LCAT: variants seen among roughly 807,000 people sequenced by gnomAD.
LCAT encodes the protein lecithin-cholesterol acyltransferase, also known as phosphatidylcholine-sterol acyltransferase.
In LCAT, 15 loss-of-function variants were observed where a neutral mutation model predicts 41.0. That is an observed-to-expected ratio of 0.37 (90% CI 0.24 to 0.56). The LOEUF is 0.56. Among genes scored for constraint, LCAT ranks in the 20% least tolerant of loss-of-function variants. The pLI is 0.81. For synonymous variants in LCAT, 248 were observed against 245.4 expected, an observed-to-expected ratio of 1.01 and a Z score of -0.10; for missense variants, 449 against 595.1, an observed-to-expected ratio of 0.75 and a Z score of 2.55.
In LCAT at chr16:67,943,142, G is replaced by A. The variant is rs2058302198; in HGVS notation, c.225C>T (p.Tyr75=). 1.9e-6 allele frequency: 3 copies of A among 1,613,960 alleles called. No homozygotes were observed. Among genetic ancestry groups the A allele is most frequent in the Non-Finnish European group, 8.5e-7 (1 of 1,179,954 alleles). Reference sequence around the variant, plus strand: ...TGGTGAAGAAGTCCTCTGTCTTGCGGTAGCACATCCAGTTCACCACATCTG... The same window carrying A: ...TGGTGAAGAAGTCCTCTGTCTTGCGATAGCACATCCAGTTCACCACATCTG... ...DKPDVVNWMC[Y]RKTEDFFTIW... is the part of the protein sequence containing the mutation. The change falls in exon 2 of 6, where the codon TAC becomes TAT. Residue 75 remains tyrosine, a synonymous_variant. Coordinates refer to ENST00000264005, the MANE Select transcript of LCAT (RefSeq NM_000229.2). The surrounding 1 kb of genome is among the most constrained non-coding windows in gnomAD (Gnocchi z 4.6).
Position 67,942,194 on chromosome 16 carries a change from G to A in LCAT, c.748+169C>T. On this transcript the variant is annotated intron_variant, in intron 5 of 5. Coordinates refer to ENST00000264005, the MANE Select transcript of LCAT (RefSeq NM_000229.2). This position sits in a 1 kb window ranked among gnomAD's most constrained non-coding sequence, Gnocchi z 6.6. ...GACTCTGGAAGGAGCCACCCTAATTGCTCAGGCCAGGGTCACTGCTCTGGG... is the reference window on the plus strand; with the variant it reads ...GACTCTGGAAGGAGCCACCCTAATTACTCAGGCCAGGGTCACTGCTCTGGG... 8.5e-6 allele frequency: 11 copies of A among 1,299,034 alleles called. No homozygotes were observed. The highest frequency in any genetic ancestry group is 1.1e-5 in the Non-Finnish European group (10 of 936,822). 80.5% of individuals were successfully genotyped at this position (1,299,034 alleles called of 1,614,324 possible). A position where few individuals can be genotyped will look rare whatever the true frequency, so the allele number is the denominator to read the frequency against.
rs2058299808 is a variant in LCAT, at chr16:67,942,835, C to T, written c.427+26G>A. On this transcript the variant is annotated intron_variant, in intron 3 of 5. Transcript: ENST00000264005. The surrounding 1 kb of genome is among the most constrained non-coding windows in gnomAD (Gnocchi z 6.6). ...TGTGGGCCAGCACCCAGGCCTGGAG[C>T]CCCAGCCCTGCCCTCTGACACAAAC... 6.2e-7 allele frequency: 1 copy of T among 1,612,974 alleles called. No homozygotes were observed. Among genetic ancestry groups the T allele is most frequent in the Non-Finnish European group, 8.5e-7 (1 of 1,179,682 alleles).
chr16:67,942,704 G>A lies in LCAT; in HGVS notation c.490C>T (p.Arg164Cys), dbSNP rs1380009545. 16 of 1,612,750 alleles carry A rather than the reference G, an allele frequency of 9.9e-6. No homozygotes were observed. Among genetic ancestry groups the A allele is most frequent in the East Asian group, 2.2e-5 (1 of 44,898 alleles). The change falls in exon 4 of 6, where the codon CGC becomes TGC. Residue 164 changes from arginine (R) to cysteine (C), a missense_variant. Coordinates refer to ENST00000264005, the MANE Select transcript of LCAT (RefSeq NM_000229.2). The surrounding 1 kb of genome is among the most constrained non-coding windows in gnomAD (Gnocchi z 6.6). Reference sequence around the variant, plus strand: ...AGCCGCCAGTCATAGGGGGCGGCGCGCACAGTCTCGTCCCGCACGTAGCCA... The same window carrying A: ...AGCCGCCAGTCATAGGGGGCGGCGCACACAGTCTCGTCCCGCACGTAGCCA... ...NNGYVRDETV[R>C]AAPYDWRLEP...
intron 5 of LCAT, among the ~76,000 whole-genome samples, chr16:67,941,004 T>TA (rs1420295469): frequency 6.6e-6 from 1 of 150,948 alleles, no homozygotes; most frequent in East Asian, 2.0e-4. Flanking sequence ...GATTCCAGCT[T>TA]AAAAAATAAA....
rs1036297235 is a variant in LCAT at position 67,943,484 on chromosome 16, C to T, written c.155-272G>A. The T allele has an allele frequency of 2.0e-5, 11 of 538,928 alleles. No individual in the cohort carries two copies. The highest frequency in any genetic ancestry group is 1.0e-4 in the South Asian group (5 of 50,190). 33.4% of individuals were successfully genotyped at this position (538,928 alleles called of 1,614,324 possible). A position where few individuals can be genotyped will look rare whatever the true frequency, so the allele number is the denominator to read the frequency against. ...TCTGCAGAGCAAACACCCAGTCTGG[C>T]GCTCCTTTATTGCCAAAGTCCAAGG... On this transcript the variant is annotated intron_variant, in intron 1 of 5. Transcript: ENST00000264005. The surrounding 1 kb of genome is among the most constrained non-coding windows in gnomAD (Gnocchi z 4.6).
At position 67,939,960 on chromosome 16, in the gene LCAT, G is replaced by C; in HGVS notation, c.1267C>G (p.Arg423Gly). ...HINAILLGAY[R>G]QGPPASPTAS... ...GTCGGGGATGCAGGGGGACCCTGGCGGTAGGCACCCAGCAGGATGGCATTG... is the reference window on the plus strand; with the variant it reads ...GTCGGGGATGCAGGGGGACCCTGGCCGTAGGCACCCAGCAGGATGGCATTG... Residue 423 changes from arginine to glycine, a missense_variant, in exon 6 of 6, where the codon CGC becomes GGC. Coordinates refer to ENST00000264005, the MANE Select transcript of LCAT (RefSeq NM_000229.2). 6.2e-7 allele frequency: 1 copy of C among 1,613,602 alleles called. No individual in the cohort carries two copies. Among genetic ancestry groups the C allele is most frequent in the Non-Finnish European group, 8.5e-7 (1 of 1,179,996 alleles).
chr16:67,941,817 G>GT, intron 5 of LCAT: 1 of 1,037,872 alleles, frequency 9.6e-7, no homozygotes, highest in Non-Finnish European at 1.2e-6. Flanking sequence ...GATGGTGTCT[G>GT]TTTGATGTTT....
chr16:67,942,186 C>T lies in LCAT; in HGVS notation c.748+177G>A, dbSNP rs1263347529. On this transcript the variant is annotated intron_variant, in intron 5 of 5. Transcript: ENST00000264005. This position sits in a 1 kb window ranked among gnomAD's most constrained non-coding sequence, Gnocchi z 6.6. ...CTGACACAGACTCTGGAAGGAGCCA[C>T]CCTAATTGCTCAGGCCAGGGTCACT... is the stretch of plus-strand genomic sequence containing the variant. 5.3e-6 allele frequency: 7 copies of T among 1,322,974 alleles called. No individual in the cohort carries two copies. The highest frequency in any genetic ancestry group is 4.4e-5 in the African/African-American group (3 of 68,584). The allele number at this position is 1,322,974 out of a possible 1,614,324, so 82.0% of individuals were successfully genotyped here.
At chr16:67,941,976 C>CG (rs924102490) in intron 5 of LCAT, 3 of 1,194,236 alleles carry the variant, frequency 2.5e-6, no homozygotes, top group East Asian at 5.6e-5. Context: ...GGTGGGGCCT[C>CG]GGGGGGTCTG....
In LCAT at chr16:67,939,988, G is replaced by A. The variant is rs754003281; in HGVS notation, c.1239C>T (p.His413=). 6.2e-7 allele frequency: 1 copy of A among 1,613,602 alleles called. No homozygotes were observed. The highest frequency in any genetic ancestry group is 1.3e-5 in the African/African-American group (1 of 74,934). ...NMVFSNLTLE[H]INAILLGAYR... is the part of the protein sequence containing the mutation. ...AGGCACCCAGCAGGATGGCATTGAT[G>A]TGCTCCAGGGTCAGGTTGCTGAAGA... Residue 413 remains histidine (H), a synonymous_variant, in exon 6 of 6, where the codon CAC becomes CAT. Coordinates refer to ENST00000264005, the MANE Select transcript of LCAT (RefSeq NM_000229.2).
chr16:67,943,173 TC>T lies in LCAT; in HGVS notation c.193del (p.Asp65ThrfsTer6). The T allele has an allele frequency of 6.2e-7, 1 of 1,613,782 alleles. No individual in the cohort carries two copies. Among genetic ancestry groups the T allele is most frequent in the Non-Finnish European group, 8.5e-7 (1 of 1,179,956 alleles). On this transcript the variant is annotated frameshift_variant, in exon 2 of 6. Transcript: ENST00000264005. LOFTEE classifies it high-confidence loss of function. This position sits in a 1 kb window ranked among gnomAD's most constrained non-coding sequence, Gnocchi z 4.6. ...CLGNQLEAKL[D>X]KPDVVNWMCY... ...CATCCAGTTCACCACATCTGGTTTG[TC>T]CAGCTTGGCTTCTAGCTGATTCCCC...
rs1021230108 is a variant in LCAT at position 67,943,718 on chromosome 16, G to A, written c.154+230C>T. On this transcript the variant is annotated intron_variant, in intron 1 of 5. Coordinates refer to ENST00000264005, the MANE Select transcript of LCAT (RefSeq NM_000229.2). This position sits in a 1 kb window ranked among gnomAD's most constrained non-coding sequence, Gnocchi z 4.6. ...CCAGCCAAGACCTCAGGCACACCCC[G>A]TCCCCCACTCCGCCCCCCCTGGGTT... is the stretch of plus-strand genomic sequence containing the variant. 2.5e-5 allele frequency: 14 copies of A among 565,256 alleles called. No individual in the cohort carries two copies. The highest frequency in any genetic ancestry group is 7.2e-5 in the South Asian group (3 of 41,742). The allele number at this position is 565,256 out of a possible 1,614,324, so 35.0% of individuals were successfully genotyped here.
Position 67,944,010 on chromosome 16 carries a change from A to C in LCAT, c.92T>G (p.Leu31Arg), listed in dbSNP as rs1403044426. 3 of 1,547,978 alleles carry C rather than the reference A, an allele frequency of 1.9e-6. No homozygotes were observed. Among genetic ancestry groups the C allele is most frequent in the Non-Finnish European group, 2.6e-6 (3 of 1,145,714 alleles). ...CTTGGGCGTGGTGTGCGGGGGGAAG[A>C]GCACATTGAGGAGCCAGAAGGGGGC... Reference protein sequence around the residue: ...PAAPFWLLNVLFPPHTTPKAE... With the variant: ...PAAPFWLLNVRFPPHTTPKAE... The change falls in exon 1 of 6, where the codon CTC (leucine) becomes CGC (arginine). Residue 31 changes from leucine to arginine, a missense_variant. Leu to Arg is a moderately radical substitution (Grantham distance 102). Coordinates refer to ENST00000264005, the MANE Select transcript of LCAT (RefSeq NM_000229.2). This position sits in a 1 kb window ranked among gnomAD's most constrained non-coding sequence, Gnocchi z 6.6.
At position 67,943,356 on chromosome 16, in the gene LCAT, C is replaced by T; in HGVS notation, c.155-144G>A. On this transcript the variant is annotated intron_variant, in intron 1 of 5. Coordinates refer to ENST00000264005, the MANE Select transcript of LCAT (RefSeq NM_000229.2). The surrounding 1 kb of genome is among the most constrained non-coding windows in gnomAD (Gnocchi z 4.6). ...TACAAAGCACACTTACCCTCCCCTG[C>T]TTACACCCCCTCTCCCTGCTGTCCC... 1.3e-6 allele frequency: 1 copy of T among 751,758 alleles called. No individual in the cohort carries two copies. The allele number at this position is 751,758 out of a possible 1,614,324, so 46.6% of individuals were successfully genotyped here.
chr16:67,943,948 C>G lies in LCAT; in HGVS notation c.154G>C (p.Val52Leu). The change falls in exon 1 of 6, where the codon GTG becomes CTG. Residue 52 changes from valine to leucine, a missense_variant and splice_region_variant. Val to Leu is a conservative substitution (Grantham distance 32, BLOSUM62 1). Transcript: ENST00000264005. The surrounding 1 kb of genome is among the most constrained non-coding windows in gnomAD (Gnocchi z 4.6). ...LSNHTRPVIL[V>L]PGCLGNQLEA... Reference sequence around the variant, plus strand: ...CATCAGGGGCCTGGTGGGGGCTTACCGAGGATGACGGGCCGTGTGTGGTTA... The same window carrying G: ...CATCAGGGGCCTGGTGGGGGCTTACGGAGGATGACGGGCCGTGTGTGGTTA... 1 of 1,545,440 alleles carries G rather than the reference C, an allele frequency of 6.5e-7. No homozygotes were observed. The highest frequency in any genetic ancestry group is 1.4e-5 in the African/African-American group (1 of 73,044).
chr16:67,940,238 G>T lies in LCAT; in HGVS notation c.989C>A (p.Ala330Glu). Residue 330 changes from alanine (A) to glutamate (E), a missense_variant, in exon 6 of 6, where the codon GCA becomes GAA. Transcript: ENST00000264005. ...QSRDLLAGLP[A>E]PGVEVYCLYG... ...AAGACAGTATACTTCCACACCAGGTGCTGGGAGTCCTGCCAGGAGGTCACG... is the reference window on the plus strand; with the variant it reads ...AAGACAGTATACTTCCACACCAGGTTCTGGGAGTCCTGCCAGGAGGTCACG... The T allele has an allele frequency of 6.2e-7, 1 of 1,613,652 alleles. No individual in the cohort carries two copies. Among genetic ancestry groups the T allele is most frequent in the Non-Finnish European group, 8.5e-7 (1 of 1,180,008 alleles).
rs1032478440 is a variant in LCAT at position 67,943,366 on chromosome 16, C to T, written c.155-154G>A. ...ACTTACCCTCCCCTGCTTACACCCCCTCTCCCTGCTGTCCCCCCAGTAGCC... is the reference window on the plus strand; with the variant it reads ...ACTTACCCTCCCCTGCTTACACCCCTTCTCCCTGCTGTCCCCCCAGTAGCC... On this transcript the variant is annotated intron_variant, in intron 1 of 5. Transcript: ENST00000264005. The surrounding 1 kb of genome is among the most constrained non-coding windows in gnomAD (Gnocchi z 4.6). 61 of 717,158 alleles carry T rather than the reference C, an allele frequency of 8.5e-5. No individual in the cohort carries two copies. Among genetic ancestry groups the T allele is most frequent in the Non-Finnish European group, 1.3e-4 (52 of 413,904 alleles). 44.4% of individuals were successfully genotyped at this position (717,158 alleles called of 1,614,324 possible). A position where few individuals can be genotyped will look rare whatever the true frequency, so the allele number is the denominator to read the frequency against.
In LCAT at chr16:67,942,070, G is replaced by A. The variant is rs569282330; in HGVS notation, c.748+293C>T. 3 of 1,315,410 alleles carry A rather than the reference G, an allele frequency of 2.3e-6. No individual in the cohort carries two copies. Among genetic ancestry groups the A allele is most frequent in the Non-Finnish European group, 2.9e-6 (3 of 1,023,408 alleles). 81.5% of individuals were successfully genotyped at this position (1,315,410 alleles called of 1,614,324 possible). On this transcript the variant is annotated intron_variant, in intron 5 of 5. Coordinates refer to ENST00000264005, the MANE Select transcript of LCAT (RefSeq NM_000229.2). This position sits in a 1 kb window ranked among gnomAD's most constrained non-coding sequence, Gnocchi z 6.6. The stretch of plus-strand genomic sequence containing the variant: ...GCGAGCAAGTGGAAGGCAGGCAAGG[G>A]CTGGGCAGGCAGGCTCTGGGGCTAC...
Position 67,939,794 on chromosome 16 carries a change from C to T in LCAT, c.*110G>A. 6.5e-7 allele frequency: 1 copy of T among 1,533,014 alleles called. No homozygotes were observed. Among genetic ancestry groups the T allele is most frequent in the Non-Finnish European group, 8.8e-7 (1 of 1,134,464 alleles). 95.0% of individuals were successfully genotyped at this position (1,533,014 alleles called of 1,614,324 possible). On this transcript the variant is annotated 3_prime_UTR_variant, in exon 6 of 6. Coordinates refer to ENST00000264005, the MANE Select transcript of LCAT (RefSeq NM_000229.2). ...GCAGAGCCCATCTTGCCTCACTGCA[C>T]ACAGCACTGAGCCTGTGGCTGGTGA...
Sources: allele counts gnomAD v4.1 joint callset (sites outside exome capture counted in the v4.1 genomes callset), GRCh38; gene constraint gnomAD v4.1.1; non-coding constraint Gnocchi (gnomAD v3.1); transcripts MANE v1.5; gene names NCBI Gene and HGNC (gene_info 2026-07-23, HGNC 2026-07-21).